The following CDH23 variants were observed in gnomAD, a reference collection of about 807,000 sequenced individuals.
CDH23 encodes the protein cadherin related 23.
A neutral mutation model predicts 317.1 loss-of-function variants in CDH23; 189 were observed. That is an observed-to-expected ratio of 0.60 (90% CI 0.53 to 0.67). The LOEUF (loss-of-function observed/expected upper bound fraction) is 0.67, where lower values mean the gene tolerates loss of function less well. CDH23 is among the 30% of genes least tolerant of loss of function. The pLI, the probability that CDH23 is intolerant of heterozygous loss-of-function variation, is 0.00. For missense variants in CDH23, 4,401 were observed against 4,592.4 expected, an observed-to-expected ratio of 0.96 and a Z score of 1.20; for synonymous variants, 1,839 against 1,876.8, an observed-to-expected ratio of 0.98 and a Z score of 0.52.
At position 71,793,624 on chromosome 10, in the gene CDH23, T is replaced by C; in HGVS notation, c.6696T>C (p.Ala2232=). Residue 2232 remains alanine, a synonymous_variant, in exon 48 of 70, where the codon GCT becomes GCC. Transcript: ENST00000224721. ...TGCCCAACCAGGAGGACGCCTTTGCTGTGAATATCAACACAGGTACAAGGG... is the reference window on the plus strand; with the variant it reads ...TGCCCAACCAGGAGGACGCCTTTGCCGTGAATATCAACACAGGTACAAGGG... The part of the protein sequence containing the change: ...RLVPNQEDAF[A]VNINTGSVMV... The C allele has an allele frequency of 6.3e-7, 1 of 1,592,634 alleles. No homozygotes were observed. The highest frequency in any genetic ancestry group is 8.6e-7 in the Non-Finnish European group (1 of 1,168,036).
intron 6 of CDH23, among the ~76,000 whole-genome samples, chr10:71,523,654 A>G (rs923616280): frequency 2.0e-5 from 3 of 152,216 alleles, no homozygotes; most frequent in African/African-American, 7.2e-5. Flanking sequence ...GTTGCTGTGC[A>G]GAAGGGAGGG....
intron 46 of CDH23, chr10:71,790,699 C>T (rs991098368): frequency 1.6e-5 from 8 of 500,842 alleles, no homozygotes; most frequent in African/African-American, 1.3e-4. Context: ...TCCCCATGCG[C>T]AGGCCAGAGG....
chr10:71,573,722 C>A (rs1258547570), intron 8 of CDH23, among the ~76,000 whole-genome samples: 1 of 152,246 alleles, frequency 6.6e-6, no homozygotes, highest in Non-Finnish European at 1.5e-5. Flanking sequence ...CTGGGTGGTG[C>A]AGGTTTCAGC....
chr10:71,619,829 G>A (rs929613286), intron 11 of CDH23, among the ~76,000 whole-genome samples: 5 of 152,228 alleles, frequency 3.3e-5, no homozygotes, highest in African/African-American at 1.2e-4. Flanking sequence ...AAGACAGCTT[G>A]TGTGGGGGCA....
At chr10:71,739,250 T>C (rs1401271823) in intron 35 of CDH23, among the ~76,000 whole-genome samples, 1 of 152,190 alleles carries the variant, frequency 6.6e-6, no homozygotes, top group African/African-American at 2.4e-5. Context: ...CTCCTCTCTG[T>C]GAACTGAGAA....
chr10:71,441,358 G>C (rs964666685), intron 2 of CDH23, among the ~76,000 whole-genome samples: 1 of 152,064 alleles, frequency 6.6e-6, no homozygotes, highest in African/African-American at 2.4e-5. Flanking sequence ...CCTCCCCGGG[G>C]ACTCTGCCAC....
At chr10:71,686,589 C>T (rs1864908020) in intron 18 of CDH23, among the ~76,000 whole-genome samples, 1 of 152,194 alleles carries the variant, frequency 6.6e-6, no homozygotes, top group African/African-American at 2.4e-5. Context: ...ATACAGGATC[C>T]TTTCCCCCTA....
intron 3 of CDH23, among the ~76,000 whole-genome samples, chr10:71,463,531 G>C (rs1042899188): frequency 3.3e-5 from 5 of 152,172 alleles, no homozygotes; most frequent in African/African-American, 1.2e-4. Context: ...CCCCTCTCTG[G>C]GTCCCCACAG....
In CDH23 at chr10:71,803,042, G is replaced by C; in HGVS notation, c.7627G>C (p.Glu2543Gln). The change falls in exon 54 of 70, where the codon GAG (glutamate) becomes CAG (glutamine). Residue 2543 changes from glutamate (E) to glutamine (Q), a missense_variant. Glu to Gln is a conservative substitution (Grantham distance 29). Transcript: ENST00000224721. ...TGACCAGGATGAAGGTCCCAATGGA[G>C]AGTTGACCTACTCACTTGAGGGCCC... is the stretch of plus-strand genomic sequence containing the variant. ...ATDQDEGPNG[E>Q]LTYSLEGPGV... 6.2e-7 allele frequency: 1 copy of C among 1,613,202 alleles called. No individual in the cohort carries two copies. The highest frequency in any genetic ancestry group is 2.2e-5 in the East Asian group (1 of 44,836).
At chr10:71,664,512 G>A (rs1863804969) in intron 14 of CDH23, among the ~76,000 whole-genome samples, 1 of 152,200 alleles carries the variant, frequency 6.6e-6, no homozygotes, top group African/African-American at 2.4e-5. Context: ...TGCTGGCACA[G>A]GACAGGCAGG....
At chr10:71,460,296 A>G (rs1175499452) in intron 3 of CDH23, among the ~76,000 whole-genome samples, 2 of 152,338 alleles carry the variant, frequency 1.3e-5, no homozygotes, top group Non-Finnish European at 2.9e-5. Context: ...ACAGGGCACA[A>G]GATCCTCCAA....
At chr10:71,613,344 G>A (rs1861013926) in intron 9 of CDH23, among the ~76,000 whole-genome samples, 1 of 152,210 alleles carries the variant, frequency 6.6e-6, no homozygotes, top group Non-Finnish European at 1.5e-5. Flanking sequence ...AGCAGGAAGT[G>A]ACCTAGGAGT....
At chr10:71,754,402 C>G (rs1421497861) in intron 38 of CDH23, among the ~76,000 whole-genome samples, 1 of 152,134 alleles carries the variant, frequency 6.6e-6, no homozygotes, top group Admixed American at 6.5e-5. Context: ...AGTTGCGAGC[C>G]AAAAGCCACC....
At chr10:71,707,210 C>T in intron 26 of CDH23, 161 bp downstream of exon 26, 3 of 1,496,220 alleles carry the variant, frequency 2.0e-6, no homozygotes, top group Non-Finnish European at 2.7e-6. Flanking sequence ...CGAGGATTTG[C>T]TCCTGGCTCT....
Position 71,722,212 on chromosome 10 carries a change from G to A in CDH23, c.3370-1833G>A, listed in dbSNP as rs145375599. On this transcript the variant is annotated intron_variant, in intron 28 of 69. Transcript: ENST00000224721. Reference sequence around the variant, plus strand: ...TCCCACCACTTTGGGAAGCCAAGGCGGGAGGATTGCTTGAGCTCAGGAGTT... The same window carrying A: ...TCCCACCACTTTGGGAAGCCAAGGCAGGAGGATTGCTTGAGCTCAGGAGTT... Among the ~76,000 whole-genome samples, 1,411 of 152,264 alleles carry A rather than the reference G, an allele frequency of 9.3e-3. 32 individuals carry two copies. The highest frequency in any genetic ancestry group is 0.033 in the African/African-American group (1,356 of 41,546).
chr10:71,745,900 G>A (rs1839843487), intron 38 of CDH23, among the ~76,000 whole-genome samples: 1 of 152,246 alleles, frequency 6.6e-6, no homozygotes, highest in African/African-American at 2.4e-5. Flanking sequence ...TCCAGAGAAA[G>A]CCAGCAGGCC....
At chr10:71,778,952 G>T (rs528106582) in intron 40 of CDH23, among the ~76,000 whole-genome samples, 1 of 152,230 alleles carries the variant, frequency 6.6e-6, no homozygotes, top group African/African-American at 2.4e-5. Context: ...TTTTGTAGAG[G>T]TGGGGTCTTG....
At chr10:71,805,752 G>T in intron 55 of CDH23, 54 bp from the exon 56 acceptor site, 1 of 1,535,174 alleles carries the variant, frequency 6.5e-7, no homozygotes, top group East Asian at 2.3e-5. Flanking sequence ...TCAGGACCTA[G>T]GAGCTGAGAT....
At position 71,423,230 on chromosome 10, in the gene CDH23, AAC is replaced by A. The variant is rs137977298; in HGVS notation, c.-5-16593_-5-16592del. ...CGAACGGGGACATCTGTTTGTCAGA[AAC>A]ACAGTGGGGTGGAGGAAGGCCTGAT... On this transcript the variant is annotated intron_variant, in intron 1 of 69. Transcript: ENST00000224721. Among the ~76,000 whole-genome samples, 1,520 of 152,276 alleles carry A rather than the reference AAC, an allele frequency of 1.0e-2. 50 individuals are homozygous for A. Among genetic ancestry groups the A allele is most frequent in the East Asian group, 0.079 (408 of 5,164 alleles).
Sources: allele counts gnomAD v4.1 joint callset (sites outside exome capture counted in the v4.1 genomes callset), GRCh38; gene constraint gnomAD v4.1.1; transcripts MANE v1.5; gene names NCBI Gene and HGNC (gene_info 2026-07-23, HGNC 2026-07-21).